GRID2: variants seen among roughly 807,000 people sequenced by gnomAD.
GRID2 encodes the protein glutamate receptor ionotropic, delta-2.
In GRID2, 33 loss-of-function variants were observed where a neutral mutation model predicts 114.8. The ratio of observed to expected loss-of-function variants is 0.29; its 90% CI spans 0.22 to 0.38. The LOEUF (loss-of-function observed/expected upper bound fraction) is 0.38. GRID2 is among the 10% of genes least tolerant of loss of function. GRID2 has a pLI of 1.00. For missense variants in GRID2, 1,184 were observed against 1,257.7 expected (o/e 0.94, Z 0.89); for synonymous variants, 505 against 449.9 (o/e 1.12, Z -1.55).
chr4:92,748,185 C>T (rs1001529085), intron 2 of GRID2, among the ~76,000 whole-genome samples: 46 of 151,970 alleles, frequency 3.0e-4, no homozygotes, highest in African/African-American at 8.5e-4. Flanking sequence ...TCTATGTTTC[C>T]CATCTCAATA....
chr4:92,560,580 C>T (rs1391145959), intron 1 of GRID2, among the ~76,000 whole-genome samples: 2 of 152,118 alleles, frequency 1.3e-5, no homozygotes, highest in African/African-American at 2.4e-5. Flanking sequence ...GTGCATTGGT[C>T]ATTACCACTG....
intron 2 of GRID2, among the ~76,000 whole-genome samples, chr4:92,749,455 C>T (rs915266709): frequency 2.6e-5 from 4 of 151,524 alleles, no homozygotes; most frequent in Non-Finnish European, 5.9e-5. Context: ...GCTGAGACTA[C>T]AGGCGCCAGC....
chr4:93,581,835 G>A (rs542398916), intron 13 of GRID2, among the ~76,000 whole-genome samples: 1 of 152,112 alleles, frequency 6.6e-6, no homozygotes, highest in Non-Finnish European at 1.5e-5. Flanking sequence ...TTGCAAATTA[G>A]ACTGAGCAGT....
At chr4:93,006,296 A>C (rs1413791988) in intron 2 of GRID2, among the ~76,000 whole-genome samples, 2 of 152,118 alleles carry the variant, frequency 1.3e-5, no homozygotes, top group Non-Finnish European at 2.9e-5. Context: ...AAAGACAGAC[A>C]GAGACTGTGC....
chr4:93,084,056 C>T (rs2149320987), intron 2 of GRID2, among the ~76,000 whole-genome samples: 1 of 152,106 alleles, frequency 6.6e-6, no homozygotes, highest in South Asian at 2.1e-4. Flanking sequence ...TGCCTAAAAT[C>T]TAAAATAAGG....
chr4:93,518,072 C>A (rs201124636), intron 13 of GRID2, among the ~76,000 whole-genome samples: 1 of 138,678 alleles, frequency 7.2e-6, no homozygotes. Flanking sequence ...ATAGTATATA[C>A]ATATATATAT....
chr4:93,184,837 G>A (rs1740251461), intron 4 of GRID2, among the ~76,000 whole-genome samples: 1 of 152,068 alleles, frequency 6.6e-6, no homozygotes, highest in African/African-American at 2.4e-5. Flanking sequence ...AGCCAAGATT[G>A]CACCTCTGCA....
chr4:92,700,965 G>A (rs552630076), intron 2 of GRID2, among the ~76,000 whole-genome samples: 2 of 147,858 alleles, frequency 1.4e-5, no homozygotes, highest in South Asian at 2.1e-4. Context: ...CTGCACTCCA[G>A]CCTGGGCGAC....
chr4:93,471,810 C>T (rs1724855687), intron 11 of GRID2, among the ~76,000 whole-genome samples: 1 of 146,866 alleles, frequency 6.8e-6, no homozygotes, highest in Non-Finnish European at 1.5e-5. Context: ...AAGTGATTCT[C>T]CTTCCTTAGC....
chr4:92,327,451 A>G (rs539834187), intron 1 of GRID2, among the ~76,000 whole-genome samples: 5 of 152,024 alleles, frequency 3.3e-5, no homozygotes, highest in Admixed American at 2.0e-4. Context: ...AGTGTACCAC[A>G]TGGTAGGGAG....
intron 2 of GRID2, among the ~76,000 whole-genome samples, chr4:93,031,227 G>A (rs897736691): frequency 6.6e-6 from 1 of 151,728 alleles, no homozygotes; most frequent in Admixed American, 6.6e-5. Flanking sequence ...TATATTTTTA[G>A]TAGAGACTGG....
At chr4:93,469,855 T>G in intron 11 of GRID2, among the ~76,000 whole-genome samples, 1 of 152,138 alleles carries the variant, frequency 6.6e-6, no homozygotes, top group East Asian at 1.9e-4. Context: ...ACCGGTCCCC[T>G]GTAGTTATTG....
chr4:93,115,004 A>C (rs1733102800), intron 4 of GRID2, among the ~76,000 whole-genome samples: 1 of 152,180 alleles, frequency 6.6e-6, no homozygotes, highest in African/African-American at 2.4e-5. Flanking sequence ...TTCACAGATA[A>C]GTTGTGTCAC....
rs369596308 is a variant in GRID2, at chr4:93,567,435, G to A, written c.2193+52024G>A. 5.3e-5 allele frequency among the ~76,000 whole-genome samples: 8 copies of A among 152,252 alleles called. No individual in the cohort carries two copies. The East Asian group carries it at 1.4e-3, about 26-fold the overall frequency. Reference sequence around the variant, plus strand: ...CTTCTCTGCCAAAGGATTGAGAAAGGCGTCTTCTGATCTTAGATTAATTTT... The same window carrying A: ...CTTCTCTGCCAAAGGATTGAGAAAGACGTCTTCTGATCTTAGATTAATTTT... On this transcript the variant is annotated intron_variant, in intron 13 of 15. Transcript: ENST00000282020.
intron 7 of GRID2, among the ~76,000 whole-genome samples, chr4:93,232,180 C>A (rs923605336): frequency 1.3e-5 from 2 of 152,046 alleles, no homozygotes; most frequent in Non-Finnish European, 2.9e-5. Context: ...TGGATAAAAT[C>A]AGACCTGAAT....
intron 1 of GRID2, among the ~76,000 whole-genome samples, chr4:92,507,084 A>G (rs989864750): frequency 1.3e-5 from 2 of 151,850 alleles, no homozygotes; most frequent in South Asian, 2.1e-4. Context: ...CACTATCTCT[A>G]TTCTTCACTG....
chr4:93,275,415 TTC>T (rs1751941293), intron 8 of GRID2, among the ~76,000 whole-genome samples: 1 of 121,958 alleles, frequency 8.2e-6, no homozygotes. Context: ...TTTTTTTCAT[TTC>T]TGTTGGATAT....
intron 1 of GRID2, among the ~76,000 whole-genome samples, chr4:93,796,045 T>C (rs1357796153): frequency 1.3e-5 from 2 of 152,122 alleles, no homozygotes; most frequent in African/African-American, 4.8e-5. Context: ...GAGGCCCCTA[T>C]TCTCTTACTG....
At chr4:92,799,095 T>C (rs1016025319) in intron 2 of GRID2, among the ~76,000 whole-genome samples, 2 of 151,946 alleles carry the variant, frequency 1.3e-5, no homozygotes, top group Non-Finnish European at 2.9e-5. Context: ...ATTTCCATTA[T>C]TATTACATAC....
Sources: allele counts gnomAD v4.1 joint callset (sites outside exome capture counted in the v4.1 genomes callset), GRCh38; gene constraint gnomAD v4.1.1; transcripts MANE v1.5; gene names NCBI Gene and HGNC (gene_info 2026-07-23, HGNC 2026-07-21).